NECAB1: variants seen among roughly 807,000 people sequenced by gnomAD.
NECAB1 encodes the protein N-terminal EF-hand calcium binding protein 1.
A neutral mutation model predicts 57.5 loss-of-function variants in NECAB1; 29 were observed. The ratio of observed to expected loss-of-function variants is 0.50; its 90% CI spans 0.38 to 0.69. The LOEUF (loss-of-function observed/expected upper bound fraction) is 0.69. Ranked by LOEUF, NECAB1 falls within the 30% of genes least tolerant of loss-of-function variation. NECAB1 has a pLI of 0.00. For synonymous variants in NECAB1, 142 were observed against 147.7 expected, an observed-to-expected ratio of 0.96 and a Z score of 0.28; for missense variants, 372 against 413.8, an observed-to-expected ratio of 0.90 and a Z score of 0.88.
intron 6 of NECAB1, among the ~76,000 whole-genome samples, chr8:90,922,958 G>A (rs1231498396): frequency 1.3e-5 from 2 of 152,164 alleles, no homozygotes; most frequent in Non-Finnish European, 2.9e-5. Context: ...AAGAATAGAA[G>A]AAGAGCCAAA....
chr8:90,846,365 T>C (rs779104951), intron 3 of NECAB1, among the ~76,000 whole-genome samples: 1 of 152,238 alleles, frequency 6.6e-6, no homozygotes, highest in Non-Finnish European at 1.5e-5. Flanking sequence ...TCTTGATACT[T>C]CAAGTAGAAA....
chr8:90,938,595 C>T (rs1810596822), intron 9 of NECAB1, among the ~76,000 whole-genome samples: 1 of 152,154 alleles, frequency 6.6e-6, no homozygotes, highest in Admixed American at 6.5e-5. Context: ...AAAAGCTCCG[C>T]TTGTCAGAAT....
chr8:90,954,522 T>C (rs1453138569), intron 12 of NECAB1, among the ~76,000 whole-genome samples: 1 of 152,092 alleles, frequency 6.6e-6, no homozygotes, highest in Non-Finnish European at 1.5e-5. Flanking sequence ...AAAGATCCTA[T>C]TGCCAGCAAA....
chr8:90,917,548 A>C lies in NECAB1; in HGVS notation c.414A>C (p.Glu138Asp). ...EQFVTRFLLK[E>D]TLNQLQSLQN... ...TCGTAACTAGATTTTTATTGAAGGA[A>C]ACCCTGAATCAGCTGCAGTCTCTCC... is the stretch of plus-strand genomic sequence containing the variant. The change falls in exon 6 of 13, where the codon GAA becomes GAC. Residue 138 changes from glutamate (E) to aspartate (D), a missense_variant. Coordinates refer to ENST00000417640, the MANE Select transcript of NECAB1 (RefSeq NM_022351.5). 1 of 1,612,184 alleles carries C rather than the reference A, an allele frequency of 6.2e-7. No homozygotes were observed.
chr8:90,795,170 G>T (rs1038241507), intron 1 of NECAB1, among the ~76,000 whole-genome samples: 4 of 152,222 alleles, frequency 2.6e-5, no homozygotes, highest in African/African-American at 9.7e-5. Context: ...TGGAATACTA[G>T]TCTATGTAGC....
rs553973385 is a variant in NECAB1 at position 90,847,329 on chromosome 8, G to A, written c.233+22504G>A. 9.2e-5 allele frequency among the ~76,000 whole-genome samples: 14 copies of A among 152,362 alleles called. No homozygotes were observed. The South Asian group carries it at 2.7e-3, about 29-fold the overall frequency. ...ATCCAGGTCACGCTGATCCAAGAGG[G>A]GGTTTCCCATGGTCTTGGGCAGCTC... On this transcript the variant is annotated intron_variant, in intron 3 of 12. Coordinates refer to ENST00000417640, the MANE Select transcript of NECAB1 (RefSeq NM_022351.5).
Position 90,925,546 on chromosome 8 carries a change from C to T in NECAB1, c.506C>T (p.Ala169Val). 1 of 1,612,606 alleles carries T rather than the reference C, an allele frequency of 6.2e-7. No homozygotes were observed. The highest frequency in any genetic ancestry group is 8.5e-7 in the Non-Finnish European group (1 of 1,179,376). Residue 169 changes from alanine (A) to valine (V), a missense_variant, in exon 7 of 13, where the codon GCC becomes GTC. By Grantham distance (64) the Ala-to-Val change is moderately conservative (BLOSUM62 0). Transcript: ENST00000417640. ...EQTRQERQGP[A>V]KPEVLSIQWP... ...CTCTGTTGATCAAGGCAAGGGCCAG[C>T]CAAGCCAGAAGTCCTGTCGATTCAA...
chr8:90,881,201 C>A, intron 5 of NECAB1, 71 bp downstream of exon 5: 1 of 1,061,962 alleles, frequency 9.4e-7, no homozygotes, highest in Non-Finnish European at 1.4e-6. Flanking sequence ...GAAAATCATA[C>A]CTATTTTCAA....
intron 3 of NECAB1, among the ~76,000 whole-genome samples, chr8:90,830,323 G>A (rs1812282774): frequency 1.3e-5 from 2 of 152,000 alleles, no homozygotes; most frequent in South Asian, 4.1e-4. Context: ...TTAAGTTCCT[G>A]GAGAATAGAG....
At chr8:90,893,005 T>C (rs193280800) in intron 5 of NECAB1, among the ~76,000 whole-genome samples, 1 of 152,268 alleles carries the variant, frequency 6.6e-6, no homozygotes, top group African/African-American at 2.4e-5. Context: ...TGCTCAGCCA[T>C]TTGCACTTCT....
chr8:90,875,593 A>C (rs557405030), intron 4 of NECAB1, among the ~76,000 whole-genome samples: 1 of 151,508 alleles, frequency 6.6e-6, no homozygotes, highest in African/African-American at 2.4e-5. Flanking sequence ...CCTTTCTGTA[A>C]GAAAGCTTTG....
At chr8:90,874,366 ATATT>A (rs995911409) in intron 4 of NECAB1, among the ~76,000 whole-genome samples, 4 of 152,238 alleles carry the variant, frequency 2.6e-5, no homozygotes, top group Non-Finnish European at 5.9e-5. Flanking sequence ...AGAATTTAAA[ATATT>A]TATTTTGAAA....
intron 2 of NECAB1, among the ~76,000 whole-genome samples, chr8:90,816,361 A>G (rs886945868): frequency 2.6e-5 from 4 of 151,858 alleles, no homozygotes; most frequent in Non-Finnish European, 5.9e-5. Context: ...TTTCATTTCA[A>G]TGAAGTCCAA....
intron 3 of NECAB1, 93 bp downstream of exon 3, chr8:90,824,918 A>G (rs1174615111): frequency 1.7e-6 from 1 of 593,588 alleles, no homozygotes. Flanking sequence ...AGAACAATAT[A>G]GAGGGTATAT....
At chr8:90,923,065 C>T (rs1055598569) in intron 6 of NECAB1, among the ~76,000 whole-genome samples, 1 of 152,042 alleles carries the variant, frequency 6.6e-6, no homozygotes. Context: ...ATGTAAGAAG[C>T]CAAGATACAA....
At position 90,906,891 on chromosome 8, in the gene NECAB1, A is replaced by ATATATATATATATACGTATATATATATG. The variant is rs1809681662; in HGVS notation, c.358-10587_358-10586insCGTATATATATATGTATATATATATATA. Among the ~76,000 whole-genome samples the ATATATATATATATACGTATATATATATG allele has an allele frequency of 2.6e-5, 3 of 113,400 alleles. No homozygotes were observed. The East Asian group carries it at 6.8e-4, about 26-fold the overall frequency. 74.4% of individuals were successfully genotyped at this position (113,400 alleles called of 152,430 possible). On this transcript the variant is annotated intron_variant, in intron 5 of 12. Coordinates refer to ENST00000417640, the MANE Select transcript of NECAB1 (RefSeq NM_022351.5). ...ATGATATACACATATATATATATAT[A>ATATATATATATATACGTATATATATATG]TATATATATATATATATATCTTCTC...
chr8:90,926,333 T>C (rs950103528), intron 7 of NECAB1, among the ~76,000 whole-genome samples: 19 of 152,228 alleles, frequency 1.2e-4, no homozygotes, highest in African/African-American at 4.3e-4. Context: ...CTATATTCTA[T>C]ATTTTCACCA....
At chr8:90,833,092 C>A (rs1417146976) in intron 3 of NECAB1, among the ~76,000 whole-genome samples, 12 of 152,032 alleles carry the variant, frequency 7.9e-5, no homozygotes, top group Admixed American at 7.9e-4. Context: ...GGAGTTGCTA[C>A]AATGTAGAAA....
At chr8:90,939,291 G>A (rs988683003) in intron 9 of NECAB1, among the ~76,000 whole-genome samples, 4 of 152,112 alleles carry the variant, frequency 2.6e-5, no homozygotes, top group African/African-American at 7.2e-5. Flanking sequence ...GAAATCCACC[G>A]GCCTCTTAGG....
Sources: allele counts gnomAD v4.1 joint callset (sites outside exome capture counted in the v4.1 genomes callset), GRCh38; gene constraint gnomAD v4.1.1; transcripts MANE v1.5; gene names NCBI Gene and HGNC (gene_info 2026-07-23, HGNC 2026-07-21).